Variants in ELMO1 observed in about 807,000 individuals in gnomAD.
The protein encoded by ELMO1 is engulfment and cell motility protein 1.
A neutral mutation model predicts 98.9 loss-of-function variants in ELMO1; 26 were observed. The observed-to-expected ratio is 0.26, with a 90% CI of 0.19 to 0.36. The LOEUF (loss-of-function observed/expected upper bound fraction) is 0.36, where lower values mean the gene tolerates loss of function less well. ELMO1 is among the 10% of genes least tolerant of loss of function. ELMO1 has a pLI of 1.00. For missense variants in ELMO1, 627 were observed against 935.2 expected (o/e 0.67, Z 4.30); for synonymous variants, 346 against 346.0 (o/e 1.00, Z 0.00).
chr7:37,015,777 T>C (rs1376033852), intron 15 of ELMO1, among the ~76,000 whole-genome samples: 5 of 152,200 alleles, frequency 3.3e-5, no homozygotes, highest in African/African-American at 1.2e-4. Context: ...CTGCCTACTG[T>C]TTCCAGGAAT....
chr7:36,952,838 T>C (rs1788083746), intron 16 of ELMO1, among the ~76,000 whole-genome samples: 1 of 152,050 alleles, frequency 6.6e-6, no homozygotes, highest in African/African-American at 2.4e-5. Context: ...CAGTATCATC[T>C]CCTGGAGGAG....
intron 15 of ELMO1, among the ~76,000 whole-genome samples, chr7:37,027,176 G>GA (rs1491126650): frequency 1.3e-5 from 2 of 152,154 alleles, no homozygotes; most frequent in African/African-American, 4.8e-5. Flanking sequence ...TTCTGAAACT[G>GA]AGTGTAGGTG....
chr7:37,193,719 T>C (rs1228669461), intron 13 of ELMO1, among the ~76,000 whole-genome samples: 1 of 152,208 alleles, frequency 6.6e-6, no homozygotes, highest in East Asian at 1.9e-4. Context: ...CAATTGTGTT[T>C]CCCAGCTCTT....
chr7:36,925,729 A>G (rs937044606), intron 16 of ELMO1, among the ~76,000 whole-genome samples: 1 of 152,198 alleles, frequency 6.6e-6, no homozygotes, highest in African/African-American at 2.4e-5. Flanking sequence ...AAAGGTCCAA[A>G]TGCCATTAAG....
chr7:37,101,363 C>T (rs1448465686), intron 14 of ELMO1, among the ~76,000 whole-genome samples: 7 of 152,122 alleles, frequency 4.6e-5, no homozygotes, highest in African/African-American at 1.4e-4. Context: ...AGAGAAACGC[C>T]ACACTTTGAG....
At chr7:36,879,703 A>C (rs1027345657) in intron 18 of ELMO1, among the ~76,000 whole-genome samples, 3 of 152,260 alleles carry the variant, frequency 2.0e-5, no homozygotes, top group African/African-American at 2.4e-5. Context: ...ACGGCAATCC[A>C]TAGATTTAAA....
chr7:37,042,598 T>C (rs1196963381), intron 15 of ELMO1, among the ~76,000 whole-genome samples: 1 of 152,142 alleles, frequency 6.6e-6, no homozygotes, highest in Non-Finnish European at 1.5e-5. Flanking sequence ...GCAGGCTCTA[T>C]CAGAAGACAG....
At chr7:37,444,943 T>C (rs1312459351) in intron 1 of ELMO1, among the ~76,000 whole-genome samples, 2 of 152,250 alleles carry the variant, frequency 1.3e-5, no homozygotes, top group Non-Finnish European at 2.9e-5. Context: ...TAAGTATTTC[T>C]TGTAGCCCTC....
chr7:37,187,771 T>A (rs549939350), intron 13 of ELMO1, among the ~76,000 whole-genome samples: 85 of 152,306 alleles, frequency 5.6e-4, no homozygotes, highest in African/African-American at 1.9e-3. Context: ...ATTAAAGAAT[T>A]GCCTTAGCTA....
intron 14 of ELMO1, among the ~76,000 whole-genome samples, chr7:37,121,690 G>A (rs1194866950): frequency 6.6e-6 from 1 of 152,174 alleles, no homozygotes; most frequent in Non-Finnish European, 1.5e-5. Context: ...GAACCAAGTT[G>A]GAAAACACTC....
chr7:37,367,491 G>C (rs1801950406), intron 1 of ELMO1, among the ~76,000 whole-genome samples: 1 of 152,208 alleles, frequency 6.6e-6, no homozygotes, highest in Non-Finnish European at 1.5e-5. Flanking sequence ...AAAAGGATCA[G>C]AATGGAAGGG....
At chr7:37,186,743 T>C (rs1197528063) in intron 13 of ELMO1, among the ~76,000 whole-genome samples, 1 of 152,184 alleles carries the variant, frequency 6.6e-6, no homozygotes, top group Non-Finnish European at 1.5e-5. Context: ...TAAATGCAAC[T>C]CAATACCACA....
At chr7:36,900,408 T>C (rs1405285495) in intron 16 of ELMO1, among the ~76,000 whole-genome samples, 1 of 152,204 alleles carries the variant, frequency 6.6e-6, no homozygotes, top group African/African-American at 2.4e-5. Context: ...GTATGAGCAA[T>C]GTCAAAGGCT....
chr7:37,226,741 C>A (rs1025687269), intron 8 of ELMO1, among the ~76,000 whole-genome samples: 1 of 152,116 alleles, frequency 6.6e-6, no homozygotes, highest in Non-Finnish European at 1.5e-5. Flanking sequence ...GAAGCTGTTG[C>A]TGATATTGTC....
intron 16 of ELMO1, among the ~76,000 whole-genome samples, chr7:36,926,435 T>C (rs1420215191): frequency 1.3e-5 from 2 of 152,244 alleles, no homozygotes; most frequent in Non-Finnish European, 2.9e-5. Flanking sequence ...TTCTTCAGTA[T>C]TGCAGCGTTA....
chr7:37,311,342 GA>G (rs1455389531), intron 4 of ELMO1, among the ~76,000 whole-genome samples: 1 of 149,422 alleles, frequency 6.7e-6, no homozygotes, highest in African/African-American at 2.5e-5. Context: ...TTTTTTTTCT[GA>G]AAAAAATTTT....
chr7:37,150,493 T>C (rs1182352679), intron 13 of ELMO1, among the ~76,000 whole-genome samples: 1 of 151,984 alleles, frequency 6.6e-6, no homozygotes, highest in Non-Finnish European at 1.5e-5. Flanking sequence ...TAGGGAACAC[T>C]ATGCAACATT....
At chr7:37,098,281 T>C (rs1784465953) in intron 14 of ELMO1, among the ~76,000 whole-genome samples, 2 of 152,224 alleles carry the variant, frequency 1.3e-5, no homozygotes, top group African/African-American at 4.8e-5. Flanking sequence ...GGAAGATGGC[T>C]GAGCCCCATA....
intron 14 of ELMO1, among the ~76,000 whole-genome samples, chr7:37,121,237 C>A (rs948921104): frequency 6.6e-6 from 1 of 152,264 alleles, no homozygotes; most frequent in Middle Eastern, 3.4e-3. Context: ...TCCAAAGGAA[C>A]GCAGCTCCTC....
Sources: gnomAD v4.1 joint callset for allele counts (sites outside exome capture counted in the v4.1 genomes callset) on GRCh38, gnomAD v4.1.1 for gene constraint, MANE v1.5 for transcripts, NCBI Gene and HGNC (gene_info 2026-07-23, HGNC 2026-07-21) for gene names.